Variants in CIT observed in about 807,000 individuals in gnomAD.
CIT encodes the protein citron Rho-interacting kinase.
Under a neutral mutation model 272.7 loss-of-function variants are expected in CIT, and 79 were observed. The observed-to-expected ratio is 0.29, with a 90% CI of 0.24 to 0.35. CIT has a LOEUF of 0.35. Among genes scored for constraint, CIT ranks in the 10% least tolerant of loss-of-function variants. The probability of loss-of-function intolerance (pLI) is 1.00; values close to 1 mark genes in which losing one functional copy is unlikely to be tolerated. For missense variants in CIT, 1,909 were observed against 2,618.3 expected (o/e 0.73, Z 5.91); for synonymous variants, 948 against 995.6 (o/e 0.95, Z 0.90).
chr12:119,873,309 G>A (rs374523373), intron 2 of CIT, among the ~76,000 whole-genome samples: 13 of 140,830 alleles, frequency 9.2e-5, no homozygotes, highest in African/African-American at 2.2e-4. Context: ...TTGCTCTGTC[G>A]CCTAGGCTGA....
chr12:119,701,515 C>T, intron 43 of CIT, 109 bp downstream of exon 43: 1 of 1,273,742 alleles, frequency 7.9e-7, no homozygotes, highest in African/African-American at 1.5e-5. Context: ...CTCTGTACCC[C>T]TAGTCAAACC....
chr12:119,734,921 G>T (rs1379229179), intron 25 of CIT, among the ~76,000 whole-genome samples: 2 of 152,074 alleles, frequency 1.3e-5, no homozygotes, highest in Non-Finnish European at 2.9e-5. Flanking sequence ...AAAGTACTGG[G>T]ATGACAGGGA....
intron 46 of CIT, among the ~76,000 whole-genome samples, chr12:119,695,197 T>A (rs1018286732): frequency 6.6e-6 from 1 of 152,026 alleles, no homozygotes; most frequent in Non-Finnish European, 1.5e-5. Flanking sequence ...CCATACCCAC[T>A]CCCCTCTCCC....
chr12:119,855,057 G>A (rs1251401164), intron 4 of CIT, among the ~76,000 whole-genome samples: 1 of 152,186 alleles, frequency 6.6e-6, no homozygotes, highest in Admixed American at 6.6e-5. Context: ...CCAGGAGTTT[G>A]AGGGTGCAGT....
intron 46 of CIT, among the ~76,000 whole-genome samples, chr12:119,693,431 T>A (rs1399326509): frequency 6.6e-6 from 1 of 152,152 alleles, no homozygotes; most frequent in African/African-American, 2.4e-5. Flanking sequence ...AGCAAACACT[T>A]TTCTGCCCCT....
At position 119,718,791 on chromosome 12, in the gene CIT, T is replaced by C; in HGVS notation, c.3911A>G (p.Lys1304Arg). ...AGCTTTCTCCTTCTCCAGGGCCAGC[T>C]TCAGCTCATTGTACTGCAGAGGAAC... ...TQVPLQYNEL[K>R]LALEKEKARC... The change falls in exon 31 of 48, where the codon AAG (lysine) becomes AGG (arginine). Residue 1304 changes from lysine to arginine, a missense_variant. By Grantham distance (26) the Lys-to-Arg change is conservative (BLOSUM62 2). This residue lies in a region of CIT where 780 missense variants were observed against 1,067.2 expected (regional missense o/e 0.73). Coordinates refer to ENST00000392521, the MANE Select transcript of CIT (RefSeq NM_001206999.2). This position sits in a 1 kb window ranked among gnomAD's most constrained non-coding sequence, Gnocchi z 4.8. 1 of 1,614,218 alleles carries C rather than the reference T, an allele frequency of 6.2e-7. No individual in the cohort carries two copies.
At chr12:119,693,630 G>A (rs1956074032) in intron 46 of CIT, among the ~76,000 whole-genome samples, 1 of 152,212 alleles carries the variant, frequency 6.6e-6, no homozygotes, top group African/African-American at 2.4e-5. Context: ...GACATTTTCA[G>A]GGGAGGACTG....
In CIT at chr12:119,714,858, T is replaced by C. The variant is rs532563480; in HGVS notation, c.4169-524A>G. On this transcript the variant is annotated intron_variant, in intron 32 of 47. Coordinates refer to ENST00000392521, the MANE Select transcript of CIT (RefSeq NM_001206999.2). ...TATCCAAGGGGACTGAAAACATATG[T>C]ACCCACAAAAATCTGTACATAAATG... Among the ~76,000 whole-genome samples the C allele has an allele frequency of 6.2e-4, 94 of 152,302 alleles. No individual in the cohort carries two copies. The Middle Eastern group carries it at 0.01, about 17-fold the overall frequency.
chr12:119,689,744 C>A (rs1175716256), intron 47 of CIT, among the ~76,000 whole-genome samples: 1 of 129,972 alleles, frequency 7.7e-6, no homozygotes, highest in Non-Finnish European at 1.6e-5. Flanking sequence ...GTGGCGCGAT[C>A]TCGGCTCACT....
At chr12:119,745,282 C>T (rs1959200474) in intron 23 of CIT, among the ~76,000 whole-genome samples, 1 of 142,318 alleles carries the variant, frequency 7.0e-6, no homozygotes, top group East Asian at 2.1e-4. Flanking sequence ...ACAGATTTCT[C>T]ACCAAGATGG....
chr12:119,792,055 A>C (rs761423560), intron 10 of CIT, among the ~76,000 whole-genome samples: 3 of 152,248 alleles, frequency 2.0e-5, no homozygotes, highest in Admixed American at 6.5e-5. Flanking sequence ...TATGAATAAA[A>C]TATTGCATAT....
In CIT at chr12:119,718,833, G is replaced by A; in HGVS notation, c.3869C>T (p.Pro1290Leu). Residue 1290 changes from proline (P) to leucine (L), a missense_variant, in exon 31 of 48, where the codon CCT (proline) becomes CTT (leucine). Transcript: ENST00000392521. This position sits in a 1 kb window ranked among gnomAD's most constrained non-coding sequence, Gnocchi z 4.8. ...KGLFSRRKED[P>L]ALPTQVPLQY... ...CAGAGGAACCTGTGTGGGTAAAGCA[G>A]GGTCCTCTTTCCGTCGACTAAATAA... 1.2e-6 allele frequency: 2 copies of A among 1,614,152 alleles called. No homozygotes were observed. The highest frequency in any genetic ancestry group is 2.2e-5 in the South Asian group (2 of 91,084).
intron 8 of CIT, among the ~76,000 whole-genome samples, chr12:119,824,071 G>T (rs1967956420): frequency 2.3e-5 from 3 of 129,438 alleles, no homozygotes; most frequent in Middle Eastern, 4.4e-3. Flanking sequence ...TAGGCTTAAT[G>T]TAGTAGAAAG....
At chr12:119,727,214 C>T (rs941387408) in intron 28 of CIT, among the ~76,000 whole-genome samples, 9 of 152,156 alleles carry the variant, frequency 5.9e-5, no homozygotes, top group African/African-American at 1.2e-4. Flanking sequence ...GACCCTCTGG[C>T]CTTCATGACA....
At position 119,697,539 on chromosome 12, in the gene CIT, G is replaced by A; in HGVS notation, c.5882+120C>T. On this transcript the variant is annotated intron_variant, in intron 46 of 47. Coordinates refer to ENST00000392521, the MANE Select transcript of CIT (RefSeq NM_001206999.2). This position sits in a 1 kb window ranked among gnomAD's most constrained non-coding sequence, Gnocchi z 4.9. ...TGCCGCAGATCGCAAACAAATGAAT[G>A]GTTTGAGCTTAAGAACAAAGTGAAG... 1 of 1,057,408 alleles carries A rather than the reference G, an allele frequency of 9.5e-7. No individual in the cohort carries two copies. The highest frequency in any genetic ancestry group is 1.5e-5 in the South Asian group (1 of 65,978). The allele number at this position is 1,057,408 out of a possible 1,614,324, so 65.5% of individuals were successfully genotyped here.
intron 41 of CIT, 107 bp downstream of exon 41, chr12:119,704,256 G>A: frequency 9.7e-7 from 1 of 1,029,274 alleles, no homozygotes; most frequent in Admixed American, 2.1e-5. Context: ...AGGGTAGAAG[G>A]AACCCAGTAC....
Position 119,718,362 on chromosome 12 carries a change from T to C in CIT, c.4051A>G (p.Thr1351Ala). ...GACATGGCGATCTGCTGCCTCGCGGTGGCTGGCGTGGATGGGTGTGGGTGG... is the reference window on the plus strand; with the variant it reads ...GACATGGCGATCTGCTGCCTCGCGGCGGCTGGCGTGGATGGGTGTGGGTGG... ...TDHPHPSTPA[T>A]ARQQIAMSAI... is the part of the protein sequence containing the mutation. Residue 1351 changes from threonine to alanine, a missense_variant, in exon 32 of 48, where the codon ACC becomes GCC. By Grantham distance (58) the Thr-to-Ala change is moderately conservative. Transcript: ENST00000392521. This position sits in a 1 kb window ranked among gnomAD's most constrained non-coding sequence, Gnocchi z 4.8. The C allele has an allele frequency of 3.1e-6, 5 of 1,613,870 alleles. No individual in the cohort carries two copies. The highest frequency in any genetic ancestry group is 4.2e-6 in the Non-Finnish European group (5 of 1,179,922).
intron 17 of CIT, 121 bp downstream of exon 17, chr12:119,772,649 A>G (rs949333156): frequency 9.0e-7 from 1 of 1,116,228 alleles, no homozygotes; most frequent in African/African-American, 1.6e-5. Context: ...TTTCAAAGGG[A>G]TCTTCAGAAG....
chr12:119,799,601 A>T (rs1342413828), intron 10 of CIT, among the ~76,000 whole-genome samples: 3 of 152,194 alleles, frequency 2.0e-5, no homozygotes, highest in Non-Finnish European at 4.4e-5. Flanking sequence ...AAAACAGCCT[A>T]CCCAGACACC....
Sources: gnomAD v4.1 joint callset for allele counts (sites outside exome capture counted in the v4.1 genomes callset) on GRCh38, gnomAD v4.1.1 for gene constraint, gnomAD v4.1.1 regional missense constraint, Gnocchi (gnomAD v3.1) non-coding constraint, MANE v1.5 for transcripts, NCBI Gene and HGNC (gene_info 2026-07-23, HGNC 2026-07-21) for gene names.